The following SIAH2 variants were observed in gnomAD, a reference collection of about 807,000 sequenced individuals.
SIAH2 encodes E3 ubiquitin-protein ligase SIAH2.
In SIAH2, 4 loss-of-function variants were observed where a neutral mutation model predicts 20.4. The observed-to-expected ratio is 0.20, with a 90% CI of 0.10 to 0.45. The LOEUF (loss-of-function observed/expected upper bound fraction) is 0.45, where lower values mean the gene tolerates loss of function less well. Ranked by LOEUF, SIAH2 falls within the 20% of genes least tolerant of loss-of-function variation. The pLI, the probability that SIAH2 is intolerant of heterozygous loss-of-function variation, is 0.99. For missense variants in SIAH2, 259 were observed against 440.3 expected, an observed-to-expected ratio of 0.59 and a Z score of 3.69; for synonymous variants, 171 against 192.5, an observed-to-expected ratio of 0.89 and a Z score of 0.93.
chr3:150,757,685 A>T (rs953030998), intron 1 of SIAH2, among the ~76,000 whole-genome samples: 1 of 149,496 alleles, frequency 6.7e-6, no homozygotes, highest in Non-Finnish European at 1.5e-5. Context: ...TATTTAACAT[A>T]AAAAAAAAAT....
In SIAH2 at chr3:150,762,828, C is replaced by A; in HGVS notation, c.22G>T (p.Gly8Cys). 8.2e-7 allele frequency: 1 copy of A among 1,217,068 alleles called. No homozygotes were observed. Among genetic ancestry groups the A allele is most frequent in the East Asian group, 3.6e-5 (1 of 27,740 alleles). 75.4% of individuals were successfully genotyped at this position (1,217,068 alleles called of 1,614,324 possible). A position where few individuals can be genotyped will look rare whatever the true frequency, so the allele number is the denominator to read the frequency against. Residue 8 changes from glycine (G) to cysteine (C), a missense_variant, in exon 1 of 2, where the codon GGC becomes TGC. By Grantham distance (159) the Gly-to-Cys change is radical. Transcript: ENST00000312960. The surrounding 1 kb of genome is among the most constrained non-coding windows in gnomAD (Gnocchi z 6.6). ...CTGCAGGGTTTATTAGCGCTGGGGC[C>A]GGTGGAGGACGGGCGGCTCATCGCG... MSRPSST[G>C]PSANKPCSKQ...
intron 1 of SIAH2, among the ~76,000 whole-genome samples, chr3:150,760,676 C>T (rs903510147): frequency 2.6e-5 from 4 of 152,242 alleles, no homozygotes; most frequent in Non-Finnish European, 5.9e-5. Flanking sequence ...TGAACTAAAA[C>T]TCACCTAAAA....
chr3:150,747,969 A>AAAC, intron 1 of SIAH2, among the ~76,000 whole-genome samples: 1 of 151,500 alleles, frequency 6.6e-6, no homozygotes, highest in African/African-American at 2.4e-5. Flanking sequence ...CATCTCAAAA[A>AAAC]AAAAAAAAAA....
chr3:150,751,963 T>C (rs535011476), intron 1 of SIAH2, among the ~76,000 whole-genome samples: 1 of 152,336 alleles, frequency 6.6e-6, no homozygotes, highest in African/African-American at 2.4e-5. Flanking sequence ...ATTTTTAATC[T>C]TAGAAACTTT....
Position 150,762,822 on chromosome 3 carries a change from TG to T in SIAH2, c.27del (p.Ser10AlafsTer45). MSRPSSTG[P>X]SANKPCSKQP... ...TGCTTGCTGCAGGGTTTATTAGCGC[TG>T]GGGCCGGTGGAGGACGGGCGGCTCA... On this transcript the variant is annotated frameshift_variant, in exon 1 of 2. Coordinates refer to ENST00000312960, the MANE Select transcript of SIAH2 (RefSeq NM_005067.7). LOFTEE classifies it high-confidence loss of function. The surrounding 1 kb of genome is among the most constrained non-coding windows in gnomAD (Gnocchi z 6.6). The T allele has an allele frequency of 1.6e-6, 2 of 1,218,764 alleles. No homozygotes were observed. Among genetic ancestry groups the T allele is most frequent in the Non-Finnish European group, 2.1e-6 (2 of 965,544 alleles). 75.5% of individuals were successfully genotyped at this position (1,218,764 alleles called of 1,614,324 possible). A position where few individuals can be genotyped will look rare whatever the true frequency, so the allele number is the denominator to read the frequency against.
intron 1 of SIAH2, among the ~76,000 whole-genome samples, chr3:150,749,467 G>A (rs568110296): frequency 5.3e-5 from 8 of 152,178 alleles, no homozygotes; most frequent in East Asian, 1.9e-4. Context: ...TTGTACCACC[G>A]CCCTCCAGCC....
At chr3:150,760,333 T>C (rs759093780) in intron 1 of SIAH2, among the ~76,000 whole-genome samples, 7 of 152,168 alleles carry the variant, frequency 4.6e-5, no homozygotes, top group Non-Finnish European at 8.8e-5. Context: ...AGGGGAATAA[T>C]TGGCCCTTTT....
intron 1 of SIAH2, among the ~76,000 whole-genome samples, chr3:150,757,300 T>G (rs1714503491): frequency 1.3e-5 from 2 of 152,180 alleles, no homozygotes; most frequent in Non-Finnish European, 2.9e-5. Context: ...GGGATAATCA[T>G]TTAGTCCAAT....
chr3:150,761,579 G>GTGTA (rs977956634), intron 1 of SIAH2, among the ~76,000 whole-genome samples: 2 of 152,060 alleles, frequency 1.3e-5, no homozygotes. Flanking sequence ...AGCTGCGAGG[G>GTGTA]TGTATGTATA....
In SIAH2 at chr3:150,742,754, C is replaced by T; in HGVS notation, c.418-56G>A. On this transcript the variant is annotated intron_variant, in intron 1 of 1. Coordinates refer to ENST00000312960, the MANE Select transcript of SIAH2 (RefSeq NM_005067.7). The surrounding 1 kb of genome is among the most constrained non-coding windows in gnomAD (Gnocchi z 4.8). The stretch of plus-strand genomic sequence containing the variant: ...GGCCTTCTCAAAACTTCTATTGCTT[C>T]AACCCTCTATGAGTACTTAACTACT... The T allele has an allele frequency of 7.0e-7, 1 of 1,437,624 alleles. No individual in the cohort carries two copies. 89.1% of individuals were successfully genotyped at this position (1,437,624 alleles called of 1,614,324 possible).
intron 1 of SIAH2, among the ~76,000 whole-genome samples, chr3:150,754,720 AT>A (rs1340771794): frequency 1.2e-4 from 18 of 152,246 alleles, no homozygotes; most frequent in African/African-American, 3.6e-4. Context: ...ACATTTAAAA[AT>A]AATCATAACT....
At chr3:150,761,375 C>T (rs114737217) in intron 1 of SIAH2, among the ~76,000 whole-genome samples, 85 of 152,274 alleles carry the variant, frequency 5.6e-4, no homozygotes, top group Admixed American at 9.8e-4. Context: ...TATAATATGA[C>T]CACACAATGC....
At chr3:150,745,491 GTTTTC>G (rs1450133439) in intron 1 of SIAH2, among the ~76,000 whole-genome samples, 5 of 151,032 alleles carry the variant, frequency 3.3e-5, no homozygotes, top group African/African-American at 1.2e-4. Flanking sequence ...TTGGGCTTGT[GTTTTC>G]TTTTCTTTTT....
intron 1 of SIAH2, among the ~76,000 whole-genome samples, chr3:150,747,570 C>A (rs1714246882): frequency 6.6e-6 from 1 of 152,120 alleles, no homozygotes; most frequent in African/African-American, 2.4e-5. Flanking sequence ...CTGCTCATTT[C>A]CCCAGGGGGA....
At chr3:150,748,875 A>G (rs937281436) in intron 1 of SIAH2, among the ~76,000 whole-genome samples, 2 of 152,246 alleles carry the variant, frequency 1.3e-5, no homozygotes, top group African/African-American at 4.8e-5. Context: ...TATAAAGGAC[A>G]TTCATTACTG....
intron 1 of SIAH2, among the ~76,000 whole-genome samples, chr3:150,760,664 T>C (rs1714586408): frequency 6.6e-6 from 1 of 152,268 alleles, no homozygotes; most frequent in African/African-American, 2.4e-5. Flanking sequence ...AATGCTCATT[T>C]GTGAACTAAA....
intron 1 of SIAH2, among the ~76,000 whole-genome samples, chr3:150,751,954 T>C (rs1182886358): frequency 6.6e-6 from 1 of 152,210 alleles, no homozygotes; most frequent in African/African-American, 2.4e-5. Context: ...CAGGGGTTTA[T>C]TTTTAATCTT....
intron 1 of SIAH2, among the ~76,000 whole-genome samples, chr3:150,756,509 T>C (rs73010939): frequency 0.014 from 2,087 of 152,334 alleles, 57 homozygotes; most frequent in African/African-American, 0.047. Flanking sequence ...AAAACAGCTC[T>C]ACCACAGAAC....
At chr3:150,747,150 C>T (rs1714234277) in intron 1 of SIAH2, among the ~76,000 whole-genome samples, 1 of 152,240 alleles carries the variant, frequency 6.6e-6, no homozygotes, top group Admixed American at 6.5e-5. Context: ...CAACCCAACA[C>T]ACATAAAACT....
Sources: gnomAD v4.1 joint callset for allele counts (sites outside exome capture counted in the v4.1 genomes callset) on GRCh38, gnomAD v4.1.1 for gene constraint, Gnocchi (gnomAD v3.1) non-coding constraint, MANE v1.5 for transcripts, NCBI Gene and HGNC (gene_info 2026-07-23, HGNC 2026-07-21) for gene names.